The following PDE8A variants were observed in gnomAD, a reference collection of about 807,000 sequenced individuals.
PDE8A encodes the protein high affinity cAMP-specific and IBMX-insensitive 3',5'-cyclic phosphodiesterase 8A.
A neutral mutation model predicts 105.0 loss-of-function variants in PDE8A; 59 were observed. The observed-to-expected ratio is 0.56, with a 90% CI of 0.46 to 0.70. PDE8A has a LOEUF of 0.70. PDE8A is among the 30% of genes least tolerant of loss of function. The probability of loss-of-function intolerance (pLI) is 0.00; values close to 1 mark genes in which losing one functional copy is unlikely to be tolerated. For missense variants in PDE8A, 1,014 were observed against 1,045.9 expected (o/e 0.97, Z 0.42); for synonymous variants, 355 against 371.9 (o/e 0.95, Z 0.52).
At chr15:85,025,398 A>G (rs2080498791) in intron 1 of PDE8A, among the ~76,000 whole-genome samples, 1 of 147,022 alleles carries the variant, frequency 6.8e-6, no homozygotes, top group South Asian at 2.2e-4. Flanking sequence ...GTCCTGTCCT[A>G]TTCATGAATT....
chr15:85,084,289 C>A (rs999939478), intron 6 of PDE8A, among the ~76,000 whole-genome samples: 1 of 152,022 alleles, frequency 6.6e-6, no homozygotes. Flanking sequence ...CAAAGGGGAT[C>A]GGAATGAGAG....
chr15:84,986,862 G>A (rs2079810800), intron 1 of PDE8A, among the ~76,000 whole-genome samples: 1 of 152,210 alleles, frequency 6.6e-6, no homozygotes, highest in South Asian at 2.1e-4. Context: ...GATTCCCCCA[G>A]CCTCAGCCTA....
At chr15:85,058,165 C>G (rs868000100) in intron 1 of PDE8A, among the ~76,000 whole-genome samples, 4 of 152,136 alleles carry the variant, frequency 2.6e-5, no homozygotes, top group Admixed American at 6.5e-5. Flanking sequence ...ACTGCAGCCT[C>G]GACTTCCTGG....
intron 19 of PDE8A, 150 bp downstream of exon 19, chr15:85,123,343 C>T (rs2082211735): frequency 9.5e-6 from 1 of 104,822 alleles, no homozygotes; most frequent in Non-Finnish European, 1.6e-5. Flanking sequence ...GGGATACACA[C>T]ACACACACAC....
chr15:85,135,125 G>A (rs1162569059), intron 20 of PDE8A, among the ~76,000 whole-genome samples: 1 of 152,132 alleles, frequency 6.6e-6, no homozygotes, highest in Non-Finnish European at 1.5e-5. Flanking sequence ...TGGAGCAAGG[G>A]CTAAGGGGAG....
chr15:85,017,026 C>T (rs1411151518), intron 1 of PDE8A, among the ~76,000 whole-genome samples: 1 of 151,118 alleles, frequency 6.6e-6, no homozygotes, highest in African/African-American at 2.4e-5. Context: ...CTTTGGGAGG[C>T]CGAGGCGGGT....
intron 1 of PDE8A, among the ~76,000 whole-genome samples, chr15:84,993,160 T>A (rs1447244102): frequency 1.3e-5 from 2 of 152,170 alleles, no homozygotes; most frequent in African/African-American, 4.8e-5. Flanking sequence ...AGAACAAGGA[T>A]CGGCTGGGCG....
At chr15:85,065,522 G>A (rs901705134) in intron 2 of PDE8A, among the ~76,000 whole-genome samples, 3 of 151,214 alleles carry the variant, frequency 2.0e-5, no homozygotes, top group Non-Finnish European at 2.9e-5. Flanking sequence ...GAAATTCAGC[G>A]AAGTTATCCA....
intron 1 of PDE8A, among the ~76,000 whole-genome samples, chr15:85,051,306 T>C (rs1165929230): frequency 6.6e-6 from 1 of 152,216 alleles, no homozygotes; most frequent in African/African-American, 2.4e-5. Flanking sequence ...CTTTTCTTTT[T>C]CTTACCTAAT....
intron 11 of PDE8A, among the ~76,000 whole-genome samples, chr15:85,108,521 G>A (rs1213121647): frequency 6.6e-6 from 1 of 152,162 alleles, no homozygotes; most frequent in Non-Finnish European, 1.5e-5. Flanking sequence ...TTGAAGCCTA[G>A]GAGAGTAGTG....
chr15:84,988,725 C>T (rs2079842275), intron 1 of PDE8A, among the ~76,000 whole-genome samples: 1 of 152,212 alleles, frequency 6.6e-6, no homozygotes, highest in Non-Finnish European at 1.5e-5. Flanking sequence ...GAGCCCTTGG[C>T]TGGCTTGCAC....
intron 1 of PDE8A, among the ~76,000 whole-genome samples, chr15:85,032,934 T>C (rs1315035129): frequency 6.6e-6 from 1 of 152,186 alleles, no homozygotes; most frequent in Non-Finnish European, 1.5e-5. Flanking sequence ...TTTAAGCCAT[T>C]TTGTTTATGG....
At chr15:85,023,647 G>A (rs2141359460) in intron 1 of PDE8A, among the ~76,000 whole-genome samples, 1 of 152,262 alleles carries the variant, frequency 6.6e-6, no homozygotes, top group South Asian at 2.1e-4. Flanking sequence ...GAATATTGGA[G>A]TTTAGCATTT....
At chr15:85,039,672 A>C (rs1238846278) in intron 1 of PDE8A, among the ~76,000 whole-genome samples, 1 of 152,240 alleles carries the variant, frequency 6.6e-6, no homozygotes, top group Non-Finnish European at 1.5e-5. Context: ...TGTTCGTTGC[A>C]GTTTTATTCA....
chr15:85,064,211 T>G (rs1181036481), intron 1 of PDE8A, 159 bp from the exon 2 acceptor site: 2 of 558,564 alleles, frequency 3.6e-6, no homozygotes, highest in African/African-American at 3.8e-5. Context: ...AAGGAGATCC[T>G]TAGGATTCCT....
intron 19 of PDE8A, among the ~76,000 whole-genome samples, chr15:85,125,212 C>T (rs1321539070): frequency 6.6e-6 from 1 of 152,190 alleles, no homozygotes; most frequent in Non-Finnish European, 1.5e-5. Flanking sequence ...ATCTTGATGG[C>T]AGTCTGTTCC....
intron 1 of PDE8A, among the ~76,000 whole-genome samples, chr15:84,998,428 C>T (rs1393047061): frequency 6.6e-6 from 1 of 152,198 alleles, no homozygotes; most frequent in Admixed American, 6.5e-5. Flanking sequence ...TTTACTATAT[C>T]AGAAGCAATA....
At chr15:85,092,069 A>T (rs2081653261) in intron 8 of PDE8A, among the ~76,000 whole-genome samples, 1 of 152,078 alleles carries the variant, frequency 6.6e-6, no homozygotes, top group African/African-American at 2.4e-5. Context: ...TTGTAGCACA[A>T]AACAGCAGCT....
At chr15:85,135,515 A>AC (rs1384398528) in intron 20 of PDE8A, among the ~76,000 whole-genome samples, 1 of 151,638 alleles carries the variant, frequency 6.6e-6, no homozygotes, top group Non-Finnish European at 1.5e-5. Flanking sequence ...GCCCACTCCT[A>AC]CCTCACTCCA....
Sources: gnomAD v4.1 joint callset for allele counts (sites outside exome capture counted in the v4.1 genomes callset) on GRCh38, gnomAD v4.1.1 for gene constraint, MANE v1.5 for transcripts, NCBI Gene and HGNC (gene_info 2026-07-23, HGNC 2026-07-21) for gene names.